CDK14: variants seen among roughly 807,000 people sequenced by gnomAD.
CDK14 encodes the protein cyclin dependent kinase 14.
In CDK14, 34 loss-of-function variants were observed where a neutral mutation model predicts 60.7. The ratio of observed to expected loss-of-function variants is 0.56; its 90% CI spans 0.43 to 0.75. CDK14 has a LOEUF of 0.75. CDK14 is among the 30% of genes least tolerant of loss of function. The probability of loss-of-function intolerance (pLI) is 0.00; values close to 1 mark genes in which losing one functional copy is unlikely to be tolerated. For synonymous variants in CDK14, 197 were observed against 203.7 expected, an observed-to-expected ratio of 0.97 and a Z score of 0.28; for missense variants, 482 against 564.1, an observed-to-expected ratio of 0.85 and a Z score of 1.47.
intron 11 of CDK14, among the ~76,000 whole-genome samples, chr7:91,077,140 T>G (rs1798341636): frequency 6.6e-6 from 1 of 152,144 alleles, no homozygotes; most frequent in African/African-American, 2.4e-5. Context: ...GCAATCCCAT[T>G]ACTGGGTATA....
intron 5 of CDK14, among the ~76,000 whole-genome samples, chr7:90,845,011 C>T (rs1013733760): frequency 1.3e-5 from 2 of 152,094 alleles, no homozygotes; most frequent in African/African-American, 2.4e-5. Context: ...ACTTTTTCTC[C>T]TTAGCACTTG....
At chr7:91,059,580 G>A (rs1797712017) in intron 11 of CDK14, among the ~76,000 whole-genome samples, 1 of 151,896 alleles carries the variant, frequency 6.6e-6, no homozygotes, top group Admixed American at 6.5e-5. Flanking sequence ...CTTTGAATGT[G>A]TCCCAGAGAT....
rs1438197079 is a variant in CDK14, at chr7:90,907,199, T to A, written c.702+7846T>A. ...TAGGTATGTGGGAAACTGGTTAGAA[T>A]ATTTTTGGAAAGGTAGTTGAATTCC... On this transcript the variant is annotated intron_variant, in intron 7 of 14. Coordinates refer to ENST00000380050, the MANE Select transcript of CDK14 (RefSeq NM_001287135.2). 3.3e-5 allele frequency among the ~76,000 whole-genome samples: 5 copies of A among 152,158 alleles called. No homozygotes were observed. In the East Asian group the frequency reaches 9.7e-4, roughly 29 times the overall value.
chr7:91,052,850 C>T (rs753391013), intron 11 of CDK14, among the ~76,000 whole-genome samples: 9 of 152,102 alleles, frequency 5.9e-5, no homozygotes, highest in Admixed American at 1.3e-4. Context: ...TGTCTCCCAA[C>T]GAATGAAATA....
At chr7:90,614,929 T>A (rs1378534202) in intron 2 of CDK14, among the ~76,000 whole-genome samples, 2 of 152,328 alleles carry the variant, frequency 1.3e-5, no homozygotes, top group East Asian at 3.9e-4. Flanking sequence ...AAAATTATTT[T>A]ACAGTGGTTT....
intron 14 of CDK14, among the ~76,000 whole-genome samples, chr7:91,205,914 G>T (rs1802882176): frequency 6.6e-6 from 1 of 152,046 alleles, no homozygotes; most frequent in African/African-American, 2.4e-5. Flanking sequence ...TCCTGCCTCA[G>T]CCTCCTAAGC....
rs112473985 is a variant in CDK14, at chr7:91,079,487, C to T, written c.1154+7C>T. ...TTAGACAAGCATGGAATAAGTAAGT[C>T]TTTATACAGATTGTGCTCATTCTCT... On this transcript the variant is annotated splice_region_variant and intron_variant, in intron 12 of 14. Transcript: ENST00000380050. 7.2e-5 allele frequency: 114 copies of T among 1,578,360 alleles called. No individual in the cohort carries two copies. In the African/African-American group the frequency reaches 1.4e-3, roughly 20 times the overall value.
At chr7:91,137,390 G>C (rs1035866655) in intron 14 of CDK14, among the ~76,000 whole-genome samples, 1 of 152,076 alleles carries the variant, frequency 6.6e-6, no homozygotes, top group Admixed American at 6.6e-5. Flanking sequence ...CCTACTGTCT[G>C]TCCCTGGTGT....
At chr7:91,089,008 AG>A (rs1798725663) in intron 12 of CDK14, among the ~76,000 whole-genome samples, 1 of 152,178 alleles carries the variant, frequency 6.6e-6, no homozygotes, top group African/African-American at 2.4e-5. Context: ...GTAAAGATGA[AG>A]GGTAGTTCTC....
At chr7:90,903,166 T>C (rs1438998484) in intron 7 of CDK14, among the ~76,000 whole-genome samples, 1 of 152,136 alleles carries the variant, frequency 6.6e-6, no homozygotes, top group Non-Finnish European at 1.5e-5. Context: ...ATGGAGAACC[T>C]ATGGAGGTTT....
intron 14 of CDK14, among the ~76,000 whole-genome samples, chr7:91,176,828 A>G (rs1355747269): frequency 6.6e-6 from 1 of 152,032 alleles, no homozygotes; most frequent in Non-Finnish European, 1.5e-5. Flanking sequence ...TAGCTTACCA[A>G]CCAAAAAGGG....
Position 91,044,533 on chromosome 7 carries a change from A to G in CDK14, c.1042-1364A>G, listed in dbSNP as rs531718557. Among the ~76,000 whole-genome samples, 51 of 152,206 alleles carry G rather than the reference A, an allele frequency of 3.4e-4. 1 individual carries two copies. In the South Asian group the frequency reaches 1.0e-2, roughly 30 times the overall value. On this transcript the variant is annotated intron_variant, in intron 10 of 14. Transcript: ENST00000380050. ...CTGGTCAGCTGTGCCTAAATTCCAG[A>G]AAGGAGGCAGGTATAATGAGGTATG...
At chr7:91,038,259 A>T (rs1485186564) in intron 10 of CDK14, among the ~76,000 whole-genome samples, 1 of 152,250 alleles carries the variant, frequency 6.6e-6, no homozygotes. Flanking sequence ...TAATGAAGTC[A>T]TGATAATTTG....
chr7:91,149,692 T>C (rs991260379), intron 14 of CDK14, among the ~76,000 whole-genome samples: 5 of 152,194 alleles, frequency 3.3e-5, no homozygotes, highest in African/African-American at 1.2e-4. Flanking sequence ...TGACATTAGA[T>C]AGCACACATG....
intron 9 of CDK14, among the ~76,000 whole-genome samples, chr7:90,967,539 G>A (rs1386333637): frequency 6.6e-6 from 1 of 152,118 alleles, no homozygotes; most frequent in Non-Finnish European, 1.5e-5. Flanking sequence ...TCTTAGTGTG[G>A]TGGTGGTTTA....
At chr7:91,060,768 A>C (rs969603306) in intron 11 of CDK14, among the ~76,000 whole-genome samples, 5 of 152,330 alleles carry the variant, frequency 3.3e-5, no homozygotes, top group Non-Finnish European at 5.9e-5. Flanking sequence ...CCGAGAGATC[A>C]GCTGTTAGTA....
chr7:90,977,833 C>A (rs1173948416), intron 9 of CDK14, among the ~76,000 whole-genome samples: 1 of 152,096 alleles, frequency 6.6e-6, no homozygotes, highest in African/African-American at 2.4e-5. Flanking sequence ...TTATTATGTG[C>A]CTGACACTCT....
chr7:90,735,134 G>T (rs1803038016), intron 3 of CDK14, among the ~76,000 whole-genome samples: 1 of 152,208 alleles, frequency 6.6e-6, no homozygotes, highest in Admixed American at 6.5e-5. Context: ...GGTATCACGA[G>T]CAGAGGCTGC....
chr7:90,642,597 A>G (rs1358296932), intron 2 of CDK14, among the ~76,000 whole-genome samples: 1 of 152,036 alleles, frequency 6.6e-6, no homozygotes, highest in African/African-American at 2.4e-5. Context: ...CCAGGCTGAT[A>G]TCAAACTCCT....
Sources: allele counts gnomAD v4.1 joint callset (sites outside exome capture counted in the v4.1 genomes callset), GRCh38; gene constraint gnomAD v4.1.1; transcripts MANE v1.5; gene names NCBI Gene and HGNC (gene_info 2026-07-23, HGNC 2026-07-21).